The following SLC16A1 variants were observed in gnomAD, a reference collection of about 807,000 sequenced individuals.
The protein encoded by SLC16A1 is solute carrier family 16 member 1, also known as monocarboxylate transporter 1.
In SLC16A1, 11 loss-of-function variants were observed where a neutral mutation model predicts 32.2. The ratio of observed to expected loss-of-function variants is 0.34; its 90% CI spans 0.21 to 0.56. The LOEUF is 0.56. Ranked by LOEUF, SLC16A1 falls within the 20% of genes least tolerant of loss-of-function variation. The pLI is 0.87. For synonymous variants in SLC16A1, 231 were observed against 226.8 expected (o/e 1.02, Z -0.17); for missense variants, 435 against 615.0 (o/e 0.71, Z 3.10).
In SLC16A1 at chr1:112,917,907, C is replaced by T. The variant is rs942140074; in HGVS notation, c.499G>A (p.Val167Ile). The change falls in exon 4 of 5, where the codon GTT becomes ATT. Residue 167 changes from valine (V) to isoleucine (I), a missense_variant. By Grantham distance (29) the Val-to-Ile change is conservative (BLOSUM62 3). Around this residue, in one of 2 missense-constraint regions of SLC16A1, gnomAD observed 324 missense variants for 500.3 expected, o/e 0.65. Transcript: ENST00000369626. This position sits in a 1 kb window ranked among gnomAD's most constrained non-coding sequence, Gnocchi z 4.1. ...CTCCATCCAAAGATACCGAAGAAAACCTGATTGAGGGGGGCCAGAGTACAG... is the reference window on the plus strand; with the variant it reads ...CTCCATCCAAAGATACCGAAGAAAATCTGATTGAGGGGGGCCAGAGTACAG... Reference protein sequence around the residue: ...FLCTLAPLNQVFFGIFGWRGS... With the variant: ...FLCTLAPLNQIFFGIFGWRGS... 3 of 1,606,932 alleles carry T rather than the reference C, an allele frequency of 1.9e-6. No homozygotes were observed. The African/African-American group carries it at 4.0e-5, about 22-fold the overall frequency.
At chr1:112,937,945 AT>A (rs1409807858) in intron 1 of SLC16A1, among the ~76,000 whole-genome samples, 2 of 152,054 alleles carry the variant, frequency 1.3e-5, no homozygotes, top group Non-Finnish European at 2.9e-5. Context: ...ATTTTCTGAT[AT>A]TTTTTTCTCG....
chr1:112,954,213 A>G (rs1330622330), intron 1 of SLC16A1, among the ~76,000 whole-genome samples: 1 of 144,904 alleles, frequency 6.9e-6, no homozygotes, highest in Non-Finnish European at 1.6e-5. Flanking sequence ...TGAGCATTAT[A>G]AAGTGAATTG....
At chr1:112,924,320 C>T (rs1207917404) in intron 2 of SLC16A1, 3 of 1,366,308 alleles carry the variant, frequency 2.2e-6, no homozygotes, top group South Asian at 2.3e-5. Context: ...TGGTTGCTCA[C>T]GAATGTCCCA....
chr1:112,955,354 G>A (rs1650042333), intron 1 of SLC16A1: 1 of 152,200 alleles, frequency 6.6e-6, no homozygotes, highest in Non-Finnish European at 1.5e-5. Flanking sequence ...TTAAGTCCAT[G>A]AGTAGAAGGG....
At chr1:112,919,112 C>T (rs1038402277) in intron 3 of SLC16A1, among the ~76,000 whole-genome samples, 1 of 151,874 alleles carries the variant, frequency 6.6e-6, no homozygotes, top group African/African-American at 2.4e-5. Flanking sequence ...CTCACTGCAA[C>T]CTCCACCTCC....
chr1:112,935,576 A>G (rs148517774), intron 1 of SLC16A1, among the ~76,000 whole-genome samples: 14 of 152,308 alleles, frequency 9.2e-5, no homozygotes, highest in Admixed American at 2.0e-4. Context: ...GGAGGATCTG[A>G]CATTTATCTA....
Position 112,928,044 on chromosome 1 carries a change from T to C in SLC16A1, c.217+1048A>G, listed in dbSNP as rs184572571. Among the ~76,000 whole-genome samples, 140 of 152,154 alleles carry C rather than the reference T, an allele frequency of 9.2e-4. 5 individuals are homozygous for C. The East Asian group carries it at 0.023, about 25-fold the overall frequency. ...GTCCATTTTGATTTCTCTGAACTTA[T>C]TAAAAAAAAACACTACAATTAAGCA... On this transcript the variant is annotated intron_variant, in intron 2 of 4. Transcript: ENST00000369626.
At chr1:112,945,836 T>C (rs1225234109) in intron 1 of SLC16A1, among the ~76,000 whole-genome samples, 1 of 147,178 alleles carries the variant, frequency 6.8e-6, no homozygotes, top group South Asian at 2.2e-4. Flanking sequence ...CTACTAAAAA[T>C]ACAAAATTAG....
chr1:112,930,220 C>T (rs1025452104), intron 1 of SLC16A1, among the ~76,000 whole-genome samples: 3 of 152,104 alleles, frequency 2.0e-5, no homozygotes, highest in Non-Finnish European at 4.4e-5. Context: ...TAGTCTTGTG[C>T]AACTGAGGCC....
At chr1:112,927,252 T>C (rs931694606) in intron 2 of SLC16A1, among the ~76,000 whole-genome samples, 2 of 151,538 alleles carry the variant, frequency 1.3e-5, no homozygotes, top group Non-Finnish European at 2.9e-5. Flanking sequence ...AGTGTTAAGG[T>C]GACCCTTGTG....
At chr1:112,931,802 A>G (rs982026866) in intron 1 of SLC16A1, among the ~76,000 whole-genome samples, 3 of 151,932 alleles carry the variant, frequency 2.0e-5, no homozygotes, top group African/African-American at 7.3e-5. Flanking sequence ...GGTGGGAGTG[A>G]GCGTTTGGTG....
intron 1 of SLC16A1, among the ~76,000 whole-genome samples, chr1:112,954,197 T>C (rs548412293): frequency 6.6e-6 from 1 of 152,240 alleles, no homozygotes; most frequent in East Asian, 1.9e-4. Context: ...TAATCTTGCA[T>C]AGGAGTGAGC....
At chr1:112,949,663 C>T (rs745872801) in intron 1 of SLC16A1, among the ~76,000 whole-genome samples, 1 of 151,856 alleles carries the variant, frequency 6.6e-6, no homozygotes, top group Non-Finnish European at 1.5e-5. Flanking sequence ...CTTATGGAAC[C>T]CTTGTCAGAA....
At chr1:112,938,071 T>C (rs1649369985) in intron 1 of SLC16A1, among the ~76,000 whole-genome samples, 1 of 152,176 alleles carries the variant, frequency 6.6e-6, no homozygotes, top group Non-Finnish European at 1.5e-5. Flanking sequence ...TTGAAAATAG[T>C]ATTCATCATG....
chr1:112,915,399 AG>A (rs1243405438), intron 4 of SLC16A1, among the ~76,000 whole-genome samples: 1 of 152,152 alleles, frequency 6.6e-6, no homozygotes, highest in Non-Finnish European at 1.5e-5. Context: ...AGGGGAAAGA[AG>A]GGCCAGGTTG....
chr1:112,954,647 G>A (rs1228635978), intron 1 of SLC16A1, among the ~76,000 whole-genome samples: 2 of 152,090 alleles, frequency 1.3e-5, no homozygotes, highest in African/African-American at 4.8e-5. Context: ...AATCTATTCA[G>A]CTATAAAAAT....
intron 1 of SLC16A1, among the ~76,000 whole-genome samples, chr1:112,943,065 T>G (rs1649564917): frequency 6.6e-6 from 1 of 152,196 alleles, no homozygotes. Context: ...TGTAAGAAAA[T>G]GACTTACATC....
chr1:112,913,922 CCAT>C lies in SLC16A1; in HGVS notation c.1469_1471del (p.Asp490del), dbSNP rs762225531. ...TGGACTTTCCTCCTCCTTGGGCCCT[CCAT>C]CTGTGTCTTTCTGGTCCGGAGATTC... On this transcript the variant is annotated inframe_deletion, in exon 5 of 5. Transcript: ENST00000369626. The C allele has an allele frequency of 1.2e-6, 2 of 1,614,126 alleles. No homozygotes were observed. The highest frequency in any genetic ancestry group is 1.6e-4 in the Middle Eastern group (1 of 6,062).
At chr1:112,950,767 CAGG>C (rs1380155609) in intron 1 of SLC16A1, among the ~76,000 whole-genome samples, 1 of 152,178 alleles carries the variant, frequency 6.6e-6, no homozygotes, top group Non-Finnish European at 1.5e-5. Flanking sequence ...GATGCCAAGG[CAGG>C]AGGATGGCTT....
Sources: gnomAD v4.1 joint callset for allele counts (sites outside exome capture counted in the v4.1 genomes callset) on GRCh38, gnomAD v4.1.1 for gene constraint, gnomAD v4.1.1 regional missense constraint, Gnocchi (gnomAD v3.1) non-coding constraint, MANE v1.5 for transcripts, NCBI Gene and HGNC (gene_info 2026-07-23, HGNC 2026-07-21) for gene names.